Variants in NRK observed in about 807,000 individuals in gnomAD.
NRK encodes Nik related kinase.
Under a neutral mutation model 125.2 loss-of-function variants are expected in NRK, and 67 were observed. The ratio of observed to expected loss-of-function variants is 0.54; its 90% confidence interval spans 0.44 to 0.66. The LOEUF (loss-of-function observed/expected upper bound fraction) is 0.66, where lower values mean the gene tolerates loss of function less well. Among genes scored for constraint, NRK ranks in the 30% least tolerant of loss-of-function variants. The pLI, the probability that NRK is intolerant of heterozygous loss-of-function variation, is 0.00. For synonymous variants in NRK, 458 were observed against 429.0 expected (o/e 1.07, Z -0.84); for missense variants, 1,224 against 1,192.9 (o/e 1.03, Z -0.38).
chrX:105,935,252 T>A lies in NRK; in HGVS notation c.3582T>A (p.Pro1194=), dbSNP rs780402805. ...ATGTTAACCCACTCTATGTCTCTCC[T>A]GCATGTAAAAAACCACTAATCCACA... ...EVNVNPLYVS[P]ACKKPLIHMY... The change falls in exon 21 of 29, where the codon CCT becomes CCA. Residue 1194 remains proline, a synonymous_variant. Coordinates refer to ENST00000243300, the MANE Select transcript of NRK (RefSeq NM_198465.4). The A allele has an allele frequency of 1.7e-6, 2 of 1,193,902 alleles. No homozygotes were observed. The highest frequency in any genetic ancestry group is 4.4e-5 in the Admixed American group (2 of 45,460).
chrX:105,862,251 C>CT (rs1168392601), intron 2 of NRK, among the ~76,000 whole-genome samples: 1 of 111,683 alleles, frequency 9.0e-6, no homozygotes, highest in African/African-American at 3.3e-5. Context: ...ATAATTGAGT[C>CT]TTTATCATAA....
At chrX:105,869,440 T>G in intron 2 of NRK, among the ~76,000 whole-genome samples, 1 of 111,233 alleles carries the variant, frequency 9.0e-6, no homozygotes, top group Non-Finnish European at 1.9e-5. Context: ...TACTCCCTGC[T>G]GCTTCTCTCA....
At chrX:105,852,901 A>G (rs763197987) in intron 2 of NRK, among the ~76,000 whole-genome samples, 1 of 111,800 alleles carries the variant, frequency 8.9e-6, no homozygotes, top group African/African-American at 3.2e-5. Flanking sequence ...TTGATGGCAA[A>G]GGAGGATGGA....
chrX:105,848,741 C>T (rs543210735), intron 2 of NRK, among the ~76,000 whole-genome samples: 22 of 111,953 alleles, frequency 2.0e-4, no homozygotes, highest in Middle Eastern at 9.1e-3. Context: ...TTTAATTTTA[C>T]ATCTCACCTC....
chrX:105,867,655 C>T (rs1040547642), intron 2 of NRK, among the ~76,000 whole-genome samples: 1 of 111,595 alleles, frequency 9.0e-6, no homozygotes, highest in African/African-American at 3.3e-5. Context: ...GCTTGTTATA[C>T]CAGATATTTT....
At chrX:105,902,103 C>T (rs1053120968) in intron 9 of NRK, among the ~76,000 whole-genome samples, 14 of 109,950 alleles carry the variant, frequency 1.3e-4, no homozygotes, top group Non-Finnish European at 2.3e-4. Flanking sequence ...GGGTCACCTT[C>T]GTTTGTTTCA....
In NRK at chrX:105,906,580, C is replaced by T; in HGVS notation, c.1012C>T (p.Gln338Ter). 9.6e-7 allele frequency: 1 copy of T among 1,041,409 alleles called. No homozygotes were observed. The highest frequency in any genetic ancestry group is 2.8e-5 in the South Asian group (1 of 35,653). 85.8% of individuals were successfully genotyped at this position (1,041,409 alleles called of 1,213,427 possible). ...TCTTACTGGAATCATTAAAAAAAGA[C>T]AGAAAAAAGGTAGAATCTGTTAAGT... ...RHLTGIIKKR[Q>*]KKGIPLIFER... The change falls in exon 11 of 29, where the codon CAG becomes TAG. Residue 338 changes from glutamine (Q) to a stop codon, truncating the protein, a stop_gained. Coordinates refer to ENST00000243300, the MANE Select transcript of NRK (RefSeq NM_198465.4). LOFTEE classifies it high-confidence loss of function.
At chrX:105,887,571 A>G (rs780580055) in intron 4 of NRK, among the ~76,000 whole-genome samples, 11 of 112,297 alleles carry the variant, frequency 9.8e-5, no homozygotes, top group African/African-American at 3.2e-4. Flanking sequence ...TGTTCATAGA[A>G]GCATTATTCA....
intron 19 of NRK, among the ~76,000 whole-genome samples, chrX:105,932,866 A>T (rs2040612306): frequency 9.0e-6 from 1 of 111,318 alleles, no homozygotes; most frequent in Admixed American, 9.6e-5. Flanking sequence ...TCTACTTACA[A>T]ACCTTTTGTC....
chrX:105,889,052 A>G (rs1244816869), intron 5 of NRK, among the ~76,000 whole-genome samples: 3 of 111,989 alleles, frequency 2.7e-5, no homozygotes, highest in African/African-American at 9.8e-5. Flanking sequence ...ACAAATTCTC[A>G]TCTGAGACAA....
Position 105,937,466 on chromosome X carries a change from C to A in NRK, c.3683C>A (p.Ser1228Tyr), listed in dbSNP as rs753590476. Residue 1228 changes from serine to tyrosine, a missense_variant, in exon 22 of 29, where the codon TCT (serine) becomes TAT (tyrosine). Ser to Tyr is a moderately radical substitution (Grantham distance 144, BLOSUM62 -2). Transcript: ENST00000243300. ...GTCAATTTGCTGTTGGGAACCCGAT[C>A]TAATCTATATCTGATGGACAGAAGT... is the stretch of plus-strand genomic sequence containing the variant. ...WGVNLLLGTR[S>Y]NLYLMDRSGK... 3 of 1,189,219 alleles carry A rather than the reference C, an allele frequency of 2.5e-6. No homozygotes were observed. Among genetic ancestry groups the A allele is most frequent in the Non-Finnish European group, 3.4e-6 (3 of 878,978 alleles).
rs1417995294 is a variant in NRK at position 105,958,215 on chromosome X, AGAAGT to A, written c.*2618_*2622del. The A allele has an allele frequency of 2.7e-5, 3 of 112,659 alleles. No homozygotes were observed. The allele number at this position is 112,659 out of a possible 1,213,427, so 9.3% of individuals were successfully genotyped here. On this transcript the variant is annotated 3_prime_UTR_variant, in exon 29 of 29. Transcript: ENST00000243300. Reference sequence around the variant, plus strand: ...GATAAGAAAATTTCTGACTGTCAGTAGAAGTGAGATAAGATCCTCAGAGGAAACAG... The same window carrying A: ...GATAAGAAAATTTCTGACTGTCAGTAGAGATAAGATCCTCAGAGGAAACAG...
intron 19 of NRK, 108 bp downstream of exon 19, chrX:105,925,139 C>T: frequency 1.8e-6 from 1 of 569,679 alleles, no homozygotes; most frequent in Non-Finnish European, 2.8e-6. Context: ...ATCATATACC[C>T]CAAGGCCTTA....
At chrX:105,955,046 A>G (rs1602713041) in intron 28 of NRK, among the ~76,000 whole-genome samples, 1 of 111,677 alleles carries the variant, frequency 9.0e-6, no homozygotes, top group South Asian at 3.6e-4. Flanking sequence ...ATTAAAAAAT[A>G]ATGAAAAGAA....
intron 2 of NRK, among the ~76,000 whole-genome samples, chrX:105,833,596 G>A: frequency 9.0e-6 from 1 of 111,651 alleles, no homozygotes; most frequent in East Asian, 2.8e-4. Flanking sequence ...TATCATTCAT[G>A]TGATAATGAA....
In NRK at chrX:105,908,869, C is replaced by T; in HGVS notation, c.1228C>T (p.Gln410Ter). The change falls in exon 13 of 29, where the codon CAG becomes TAG. Residue 410 changes from glutamine (Q) to a stop codon, truncating the protein, a stop_gained. Coordinates refer to ENST00000243300, the MANE Select transcript of NRK (RefSeq NM_198465.4). LOFTEE classifies it high-confidence loss of function. ...ACAGGTCCAGGCACTTCAGCAGCTACAGGGAGCAGCCAGGGTATTCATGCC... is the reference window on the plus strand; with the variant it reads ...ACAGGTCCAGGCACTTCAGCAGCTATAGGGAGCAGCCAGGGTATTCATGCC... ...EPQVQALQQL[Q>*]GAARVFMPLQ... The T allele has an allele frequency of 8.3e-7, 1 of 1,210,466 alleles. No homozygotes were observed. Among genetic ancestry groups the T allele is most frequent in the Non-Finnish European group, 1.1e-6 (1 of 894,530 alleles).
At chrX:105,844,865 G>C (rs1392477755) in intron 2 of NRK, among the ~76,000 whole-genome samples, 1 of 111,929 alleles carries the variant, frequency 8.9e-6, no homozygotes, top group African/African-American at 3.2e-5. Flanking sequence ...TTTTTAAATA[G>C]GCAAAGTATC....
chrX:105,909,019 C>T lies in NRK; in HGVS notation c.1378C>T (p.Pro460Ser). The change falls in exon 13 of 29, where the codon CCT becomes TCT. Residue 460 changes from proline (P) to serine (S), a missense_variant. Coordinates refer to ENST00000243300, the MANE Select transcript of NRK (RefSeq NM_198465.4). The stretch of plus-strand genomic sequence containing the variant: ...TCAGGTGAAGGCTAAGGCCTCTAAA[C>T]CTCTACAAATGCAGATTAAGGCACC... ...QAQVKAKASK[P>S]LQMQIKAPPR... The T allele has an allele frequency of 3.3e-6, 4 of 1,210,655 alleles. No individual in the cohort carries two copies. In the South Asian group the frequency reaches 7.0e-5, roughly 21 times the overall value.
chrX:105,927,137 G>A (rs1409400614), intron 19 of NRK, among the ~76,000 whole-genome samples: 1 of 110,668 alleles, frequency 9.0e-6, no homozygotes, highest in Non-Finnish European at 1.9e-5. Flanking sequence ...CCTTTTGTGT[G>A]TGTGTCCTTT....
Sources: allele counts gnomAD v4.1 joint callset (sites outside exome capture counted in the v4.1 genomes callset), GRCh38; gene constraint gnomAD v4.1.1; transcripts MANE v1.5; gene names NCBI Gene and HGNC (gene_info 2026-07-23, HGNC 2026-07-21).